Variants in BANK1 observed in about 807,000 individuals in gnomAD.
The protein encoded by BANK1 is B cell scaffold protein with ankyrin repeats 1.
In BANK1, 95 loss-of-function variants were observed where a neutral mutation model predicts 94.5. The observed-to-expected ratio is 1.00, with a 90% confidence interval of 0.85 to 1.19. BANK1 has a LOEUF of 1.19. BANK1 is among the 50% of genes most tolerant of loss of function. The pLI is 0.00. For synonymous variants in BANK1, 334 were observed against 308.4 expected, an observed-to-expected ratio of 1.08 and a Z score of -0.87; for missense variants, 987 against 932.2, an observed-to-expected ratio of 1.06 and a Z score of -0.77.
chr4:101,954,732 T>C (rs1307204523), intron 7 of BANK1, among the ~76,000 whole-genome samples: 1 of 152,162 alleles, frequency 6.6e-6, no homozygotes, highest in Non-Finnish European at 1.5e-5. Context: ...TTTTTGTAAG[T>C]AGAATTTTTG....
intron 7 of BANK1, chr4:101,972,836 G>T (rs1053726020): frequency 6.6e-6 from 1 of 152,104 alleles, no homozygotes; most frequent in Non-Finnish European, 1.5e-5. Context: ...GCCAGCAATG[G>T]ACTGATAATT....
intron 3 of BANK1, among the ~76,000 whole-genome samples, chr4:101,859,275 CT>C (rs1727786322): frequency 6.6e-6 from 1 of 152,204 alleles, no homozygotes; most frequent in African/African-American, 2.4e-5. Context: ...AAAGATGTCT[CT>C]TTCTTTTAAA....
chr4:101,870,486 C>T lies in BANK1; in HGVS notation c.764-19C>T. Reference sequence around the variant, plus strand: ...TGCATTATATACTCTGCCCCTAACCCTTGTTTGTTTTTCATAAGAGTTTCC... The same window carrying T: ...TGCATTATATACTCTGCCCCTAACCTTTGTTTGTTTTTCATAAGAGTTTCC... On this transcript the variant is annotated intron_variant, in intron 4 of 16. Coordinates refer to ENST00000322953, the MANE Select transcript of BANK1 (RefSeq NM_017935.5). 2 of 1,606,354 alleles carry T rather than the reference C, an allele frequency of 1.2e-6. No homozygotes were observed. The highest frequency in any genetic ancestry group is 4.5e-5 in the East Asian group (2 of 44,768).
intron 7 of BANK1, among the ~76,000 whole-genome samples, chr4:102,013,077 C>T (rs1365221189): frequency 6.6e-6 from 1 of 152,076 alleles, no homozygotes; most frequent in African/African-American, 2.4e-5. Context: ...GATTTTGAAA[C>T]TAAAACTGAT....
At chr4:102,061,448 G>A (rs1728415246) in intron 12 of BANK1, 2 of 152,114 alleles carry the variant, frequency 1.3e-5, no homozygotes, top group African/African-American at 4.8e-5. Flanking sequence ...AAAGAATACT[G>A]ATTGTAGAGT....
intron 7 of BANK1, among the ~76,000 whole-genome samples, chr4:101,953,246 A>T (rs1471967390): frequency 6.6e-6 from 1 of 152,214 alleles, no homozygotes. Context: ...AGCATAAATA[A>T]TAGGTAAGTA....
At chr4:102,056,432 T>A (rs1421766129) in intron 11 of BANK1, among the ~76,000 whole-genome samples, 1 of 152,078 alleles carries the variant, frequency 6.6e-6, no homozygotes, top group East Asian at 1.9e-4. Context: ...CTTTGGAATA[T>A]AATGCTCCCA....
rs116756008 is a variant in BANK1 at position 101,928,315 on chromosome 4, C to A, written c.1206+10126C>A. On this transcript the variant is annotated intron_variant, in intron 7 of 16. Transcript: ENST00000322953. ...GCTATTTTAGAAACACATTTCCTGA[C>A]ATGTGGTTTGGAATCCTTCAAGAAA... is the stretch of plus-strand genomic sequence containing the variant. Among the ~76,000 whole-genome samples, 265 of 151,686 alleles carry A rather than the reference C, an allele frequency of 1.7e-3. 1 individual carries two copies. Among genetic ancestry groups the A allele is most frequent in the African/African-American group, 6.1e-3 (251 of 41,462 alleles).
At chr4:101,952,872 ATAG>A (rs1304732950) in intron 7 of BANK1, among the ~76,000 whole-genome samples, 1 of 152,104 alleles carries the variant, frequency 6.6e-6, no homozygotes, top group Non-Finnish European at 1.5e-5. Context: ...ATGCCAGGAG[ATAG>A]TAGGATATAA....
intron 1 of BANK1, among the ~76,000 whole-genome samples, chr4:101,807,131 C>T (rs1725579913): frequency 6.6e-6 from 1 of 152,138 alleles, no homozygotes; most frequent in South Asian, 2.1e-4. Flanking sequence ...GAGTACAGTC[C>T]CCTGGGACAG....
chr4:101,809,380 A>T (rs1223371114), intron 1 of BANK1, among the ~76,000 whole-genome samples: 1 of 152,158 alleles, frequency 6.6e-6, no homozygotes, highest in South Asian at 2.1e-4. Flanking sequence ...ATAAAAGACT[A>T]CATATTAGGT....
chr4:102,073,636 T>A, intron 15 of BANK1, 48 bp from the exon 16 acceptor site: 1 of 1,543,884 alleles, frequency 6.5e-7, no homozygotes, highest in Non-Finnish European at 8.9e-7. Flanking sequence ...AACCTTAAAA[T>A]AGGGACAAAT....
intron 11 of BANK1, among the ~76,000 whole-genome samples, chr4:102,052,113 CTTTTT>C (rs199811166): frequency 9.6e-6 from 1 of 103,992 alleles, no homozygotes; most frequent in Non-Finnish European, 1.9e-5. Context: ...TTCTTTTTTT[CTTTTT>C]TTTTTTTTTT....
intron 2 of BANK1, among the ~76,000 whole-genome samples, chr4:101,843,319 A>G (rs145694569): frequency 7.9e-5 from 12 of 152,326 alleles, no homozygotes; most frequent in Admixed American, 2.0e-4. Flanking sequence ...TCAATGACGT[A>G]AAATGGTGCC....
intron 7 of BANK1, among the ~76,000 whole-genome samples, chr4:102,013,911 T>C (rs1300713878): frequency 6.6e-6 from 1 of 152,136 alleles, no homozygotes; most frequent in East Asian, 1.9e-4. Context: ...GAGTGTTTTC[T>C]ATGTACAAAG....
At chr4:101,950,898 A>G (rs893205324) in intron 7 of BANK1, among the ~76,000 whole-genome samples, 6 of 152,170 alleles carry the variant, frequency 3.9e-5, no homozygotes, top group African/African-American at 1.4e-4. Context: ...TAATCATGAG[A>G]AAAACATTAA....
At chr4:101,800,529 T>C (rs1725324425) in intron 1 of BANK1, among the ~76,000 whole-genome samples, 1 of 152,190 alleles carries the variant, frequency 6.6e-6, no homozygotes, top group African/African-American at 2.4e-5. Context: ...TTATCCATAT[T>C]GGAATCCATT....
chr4:101,973,957 A>G (rs1281032318), intron 7 of BANK1, among the ~76,000 whole-genome samples: 4 of 152,082 alleles, frequency 2.6e-5, no homozygotes, highest in African/African-American at 9.7e-5. Flanking sequence ...AATTATTATT[A>G]ATCATTTAAC....
intron 1 of BANK1, among the ~76,000 whole-genome samples, chr4:101,812,720 ATAT>A (rs1380276106): frequency 6.6e-6 from 1 of 152,036 alleles, no homozygotes; most frequent in Admixed American, 6.6e-5. Flanking sequence ...TTATGCCTAG[ATAT>A]TATTATATTG....
Sources: gnomAD v4.1 joint callset for allele counts (sites outside exome capture counted in the v4.1 genomes callset) on GRCh38, gnomAD v4.1.1 for gene constraint, MANE v1.5 for transcripts, NCBI Gene and HGNC (gene_info 2026-07-23, HGNC 2026-07-21) for gene names.